TMEM132E: variants seen among roughly 807,000 people sequenced by gnomAD.
TMEM132E encodes the protein transmembrane protein 132E.
TMEM132E carries 49 observed loss-of-function variants against 78.5 expected under a neutral mutation model. That is an observed-to-expected ratio of 0.62 (90% confidence interval 0.50 to 0.79). TMEM132E has a LOEUF of 0.79. Among genes scored for constraint, TMEM132E ranks in the 30% least tolerant of loss-of-function variants. The pLI, the probability that TMEM132E is intolerant of heterozygous loss-of-function variation, is 0.00. For missense variants in TMEM132E, 1,403 were observed against 1,470.9 expected (o/e 0.95, Z 0.75); for synonymous variants, 715 against 670.6 (o/e 1.07, Z -1.02).
At chr17:34,595,367 G>A (rs1597677591) in intron 1 of TMEM132E, among the ~76,000 whole-genome samples, 1 of 152,158 alleles carries the variant, frequency 6.6e-6, no homozygotes, top group Non-Finnish European at 1.5e-5. Flanking sequence ...ACCAGCATGT[G>A]CCTGGATGCT....
intron 1 of TMEM132E, among the ~76,000 whole-genome samples, chr17:34,598,944 C>T (rs1490254513): frequency 6.6e-6 from 1 of 152,240 alleles, no homozygotes; most frequent in Non-Finnish European, 1.5e-5. Context: ...CCCTGGCCCC[C>T]AGCCTCAGAT....
chr17:34,608,406 T>A (rs529980572), intron 1 of TMEM132E, among the ~76,000 whole-genome samples: 1 of 152,318 alleles, frequency 6.6e-6, no homozygotes, highest in South Asian at 2.1e-4. Context: ...GTGTCCTGTA[T>A]ACAGTTGGGA....
chr17:34,581,719 C>G (rs931366406), intron 1 of TMEM132E, among the ~76,000 whole-genome samples: 1 of 151,922 alleles, frequency 6.6e-6, no homozygotes, highest in Non-Finnish European at 1.5e-5. Context: ...TAGGCGAGCC[C>G]GGAGGGCGGG....
At chr17:34,627,477 T>C (rs1567720038) in intron 2 of TMEM132E, among the ~76,000 whole-genome samples, 14 of 149,478 alleles carry the variant, frequency 9.4e-5, no homozygotes, top group African/African-American at 3.5e-4. Context: ...CGTGTGTGTG[T>C]GTGTGTGTGT....
rs1907232382 is a variant in TMEM132E at position 34,628,507 on chromosome 17, G to A, written c.999-56G>A. On this transcript the variant is annotated intron_variant, in intron 2 of 8. Transcript: ENST00000631683. ...CAGTCTAGTGATGGTGGCCAGGCAGGCAGCTTTGGGCTGTAGCCTGACCCT... is the reference window on the plus strand; with the variant it reads ...CAGTCTAGTGATGGTGGCCAGGCAGACAGCTTTGGGCTGTAGCCTGACCCT... The A allele has an allele frequency of 1.2e-6, 2 of 1,600,954 alleles. 1 individual carries two copies. The highest frequency in any genetic ancestry group is 3.3e-4 in the Middle Eastern group (2 of 5,998).
rs1597671976 is a variant in TMEM132E at position 34,580,552 on chromosome 17, G to A, written c.-525G>A. ...ATTTTCTCTTTCTTTGAGAAAGACA[G>A]CATTCATTTGCACCTGACCTGGGAT... On this transcript the variant is annotated 5_prime_UTR_variant, in exon 1 of 9. Transcript: ENST00000631683. 6.5e-6 allele frequency: 1 copy of A among 153,070 alleles called. No individual in the cohort carries two copies. The highest frequency in any genetic ancestry group is 2.4e-5 in the African/African-American group (1 of 41,518). 9.5% of individuals were successfully genotyped at this position (153,070 alleles called of 1,614,324 possible). A position where few individuals can be genotyped will look rare whatever the true frequency, so the allele number is the denominator to read the frequency against.
chr17:34,606,877 G>T (rs763017985), intron 1 of TMEM132E, among the ~76,000 whole-genome samples: 17 of 152,070 alleles, frequency 1.1e-4, no homozygotes, highest in Admixed American at 4.6e-4. Flanking sequence ...CCACTCACTC[G>T]CTCTCTCTCT....
intron 1 of TMEM132E, chr17:34,614,617 C>G (rs959179712): frequency 6.6e-6 from 1 of 152,328 alleles, no homozygotes; most frequent in African/African-American, 2.4e-5. Context: ...GCAGGTACCA[C>G]AGAGGGCCTG....
At chr17:34,628,957 T>C (rs979978771) in intron 3 of TMEM132E, 55 bp from the exon 4 acceptor site, 1 of 1,503,410 alleles carries the variant, frequency 6.7e-7, no homozygotes, top group East Asian at 2.3e-5. Flanking sequence ...TCTGAGCTCC[T>C]GGGCTGCTCC....
chr17:34,623,409 C>A lies in TMEM132E; in HGVS notation c.68-2718C>A, dbSNP rs530301736. Among the ~76,000 whole-genome samples, 1,799 of 151,472 alleles carry A rather than the reference C, an allele frequency of 0.012. 65 individuals are homozygous for A. The South Asian group carries it at 0.14, about 12-fold the overall frequency. ...GCAGGGCTAGTACCCGCTCCCCCCC[C>A]CCCCCCCGTCCCTCTACAGCCTGGA... On this transcript the variant is annotated intron_variant, in intron 1 of 8. Coordinates refer to ENST00000631683, the MANE Select transcript of TMEM132E (RefSeq NM_001304438.2).
intron 1 of TMEM132E, among the ~76,000 whole-genome samples, chr17:34,587,368 TG>T (rs1270220799): frequency 2.0e-5 from 3 of 151,952 alleles, no homozygotes; most frequent in Non-Finnish European, 4.4e-5. Context: ...GCTGTGGCAG[TG>T]GGGGGGAATG....
At chr17:34,621,554 A>C (rs1906959308) in intron 1 of TMEM132E, among the ~76,000 whole-genome samples, 1 of 152,168 alleles carries the variant, frequency 6.6e-6, no homozygotes, top group Non-Finnish European at 1.5e-5. Context: ...CCCCATCATA[A>C]GTCAGAGGAG....
At position 34,630,045 on chromosome 17, in the gene TMEM132E, G is replaced by T; in HGVS notation, c.1376G>T (p.Arg459Leu). The T allele has an allele frequency of 6.2e-7, 1 of 1,612,766 alleles. No homozygotes were observed. Among genetic ancestry groups the T allele is most frequent in the African/African-American group, 1.3e-5 (1 of 74,970 alleles). The change falls in exon 5 of 9, where the codon CGG (arginine) becomes CTG (leucine). Residue 459 changes from arginine to leucine, a missense_variant. Physicochemically the swap from Arg to Leu is moderately radical, Grantham distance 102. This residue lies in a region of TMEM132E where 888 missense variants were observed against 952.8 expected (regional missense o/e 0.93). Coordinates refer to ENST00000631683, the MANE Select transcript of TMEM132E (RefSeq NM_001304438.2). The stretch of plus-strand genomic sequence containing the variant: ...ATCAACACGGCCATTCTGACTGGCC[G>T]GACAGTGGCCATCCCTGTCAAGGTC... ...EIINTAILTG[R>L]TVAIPVKVIA...
chr17:34,607,931 C>A (rs1906468111), intron 1 of TMEM132E, among the ~76,000 whole-genome samples: 1 of 152,154 alleles, frequency 6.6e-6, no homozygotes, highest in Non-Finnish European at 1.5e-5. Flanking sequence ...GGGAGACCTC[C>A]AAACCCCGTA....
intron 5 of TMEM132E, among the ~76,000 whole-genome samples, chr17:34,631,841 T>G (rs1046463958): frequency 6.6e-6 from 1 of 152,210 alleles, no homozygotes; most frequent in Non-Finnish European, 1.5e-5. Flanking sequence ...AGCACCTAGA[T>G]GCATGTACAC....
At chr17:34,594,035 C>T (rs1489791028) in intron 1 of TMEM132E, among the ~76,000 whole-genome samples, 2 of 152,212 alleles carry the variant, frequency 1.3e-5, no homozygotes, top group Non-Finnish European at 2.9e-5. Flanking sequence ...TCAGGTCCCT[C>T]CCTGGTCCCC....
chr17:34,586,923 T>G (rs1257404826), intron 1 of TMEM132E, among the ~76,000 whole-genome samples: 1 of 152,248 alleles, frequency 6.6e-6, no homozygotes, highest in African/African-American at 2.4e-5. Context: ...TAATCCTTCC[T>G]GCTGCATTCT....
chr17:34,613,225 G>GCGCGCGCGCA (rs1413683784), intron 1 of TMEM132E, among the ~76,000 whole-genome samples: 1 of 150,098 alleles, frequency 6.7e-6, no homozygotes, highest in East Asian at 2.0e-4. Flanking sequence ...GCGCGCGCGC[G>GCGCGCGCGCA]CGTTCTTACA....
chr17:34,613,383 C>T (rs1329533434), intron 1 of TMEM132E, among the ~76,000 whole-genome samples: 2 of 149,524 alleles, frequency 1.3e-5, no homozygotes, highest in Non-Finnish European at 3.0e-5. Flanking sequence ...CCCCGCACTC[C>T]CCTCCCCCGC....
Sources: gnomAD v4.1 joint callset for allele counts (sites outside exome capture counted in the v4.1 genomes callset) on GRCh38, gnomAD v4.1.1 for gene constraint, gnomAD v4.1.1 regional missense constraint, MANE v1.5 for transcripts, NCBI Gene and HGNC (gene_info 2026-07-23, HGNC 2026-07-21) for gene names.